The following SLC6A9 variants were observed in gnomAD, a reference collection of about 807,000 sequenced individuals.
SLC6A9 encodes solute carrier family 6 member 9.
SLC6A9 carries 31 observed loss-of-function variants against 70.9 expected under a neutral mutation model. That is an observed-to-expected ratio of 0.44 (90% confidence interval 0.33 to 0.59). SLC6A9 has a LOEUF of 0.59. SLC6A9 is among the 20% of genes least tolerant of loss of function. The pLI, the probability that SLC6A9 is intolerant of heterozygous loss-of-function variation, is 0.04. For synonymous variants in SLC6A9, 310 were observed against 341.3 expected (o/e 0.91, Z 1.01); for missense variants, 631 against 845.2 (o/e 0.75, Z 3.14).
chr1:44,007,505 G>A (rs2086360256), intron 5 of SLC6A9, among the ~76,000 whole-genome samples: 1 of 152,226 alleles, frequency 6.6e-6, no homozygotes, highest in Non-Finnish European at 1.5e-5. Flanking sequence ...GGTCTCTGTC[G>A]CCTCTGAACA....
rs199881623 is a variant in SLC6A9 at position 43,996,935 on chromosome 1, G to C, written c.*610C>G. On this transcript the variant is annotated 3_prime_UTR_variant, in exon 14 of 14. Coordinates refer to ENST00000372310, the MANE Select transcript of SLC6A9 (RefSeq NM_001024845.3). ...AGCCAGGCCTGGAATGAGGGGCAGA[G>C]ACCCCGGAGCAGCCCAGTGAGGTGC... The C allele has an allele frequency of 6.5e-6, 1 of 153,132 alleles. No individual in the cohort carries two copies. Among genetic ancestry groups the C allele is most frequent in the Non-Finnish European group, 1.5e-5 (1 of 68,434 alleles). The allele number at this position is 153,132 out of a possible 1,614,324, so 9.5% of individuals were successfully genotyped here.
At chr1:43,998,069 G>T in intron 12 of SLC6A9, 44 bp from the exon 13 acceptor site, 3 of 1,548,360 alleles carry the variant, frequency 1.9e-6, no homozygotes, top group Non-Finnish European at 2.6e-6. Flanking sequence ...CCGACCCAGA[G>T]CCCAGACCCC....
At chr1:44,030,650 C>T (rs1015287567) in intron 1 of SLC6A9, 1 of 152,346 alleles carries the variant, frequency 6.6e-6, no homozygotes, top group Middle Eastern at 3.2e-3. Flanking sequence ...TTCCCAAAGC[C>T]GCGGCCAGAG....
intron 2 of SLC6A9, chr1:44,017,080 A>G (rs2086772208): frequency 6.2e-7 from 1 of 1,603,432 alleles, no homozygotes; most frequent in South Asian, 1.1e-5. Context: ...CAGGTCCATG[A>G]GCCGCGGCCA....
chr1:44,001,634 G>C lies in SLC6A9; in HGVS notation c.963-7C>G. 1 of 1,603,498 alleles carries C rather than the reference G, an allele frequency of 6.2e-7. No individual in the cohort carries two copies. On this transcript the variant is annotated splice_region_variant and splice_polypyrimidine_tract_variant and intron_variant, in intron 8 of 13. Transcript: ENST00000372310. The stretch of plus-strand genomic sequence containing the variant: ...GCTGATGATGACACTGTCCCTGATG[G>C]GGAGGAAAACAGAGTTCAGCTTCCC...
chr1:44,023,568 G>A (rs930942190), intron 2 of SLC6A9, among the ~76,000 whole-genome samples: 15 of 152,200 alleles, frequency 9.9e-5, no homozygotes, highest in Middle Eastern at 3.4e-3. Flanking sequence ...CTTGAACCCG[G>A]CAGGGGCAGA....
chr1:44,004,606 A>G (rs1412072445), intron 5 of SLC6A9, among the ~76,000 whole-genome samples: 1 of 152,128 alleles, frequency 6.6e-6, no homozygotes, highest in Non-Finnish European at 1.5e-5. Context: ...TCAGCCTCCC[A>G]AAGTGCTGGG....
At chr1:44,030,222 G>C (rs1054117600) in intron 1 of SLC6A9, among the ~76,000 whole-genome samples, 2 of 152,176 alleles carry the variant, frequency 1.3e-5, no homozygotes, top group Non-Finnish European at 2.9e-5. Context: ...GGGCGCGTCC[G>C]CTTTAATCGG....
In SLC6A9 at chr1:44,010,073, T is replaced by G; in HGVS notation, c.211A>C (p.Ile71Leu). ...GGGATCCCGCAGAAGATGAGCATGA[T>G]GAAGTAGGGGAACATGAAGGCGCCT... ...GGGAFMFPYF[I>L]MLIFCGIPLF... The change falls in exon 4 of 14, where the codon ATC becomes CTC. Residue 71 changes from isoleucine (I) to leucine (L), a missense_variant. Ile to Leu is a conservative substitution (Grantham distance 5, BLOSUM62 2). Coordinates refer to ENST00000372310, the MANE Select transcript of SLC6A9 (RefSeq NM_001024845.3). 6.2e-7 allele frequency: 1 copy of G among 1,613,718 alleles called. No individual in the cohort carries two copies. The highest frequency in any genetic ancestry group is 8.5e-7 in the Non-Finnish European group (1 of 1,179,802).
chr1:43,997,517 G>T lies in SLC6A9; in HGVS notation c.*28C>A. 6.3e-7 allele frequency: 1 copy of T among 1,594,976 alleles called. No homozygotes were observed. Among genetic ancestry groups the T allele is most frequent in the Non-Finnish European group, 8.6e-7 (1 of 1,164,886 alleles). On this transcript the variant is annotated 3_prime_UTR_variant, in exon 14 of 14. Transcript: ENST00000372310. The surrounding 1 kb of genome is among the most constrained non-coding windows in gnomAD (Gnocchi z 4.4). ...CTCTGCGGTGGGAGCACGGGGTGGG[G>T]GTGGGGCCACTCCCCTGGCAGCTGT...
At chr1:44,023,390 C>T (rs189750082) in intron 2 of SLC6A9, among the ~76,000 whole-genome samples, 2 of 152,316 alleles carry the variant, frequency 1.3e-5, no homozygotes, top group East Asian at 3.9e-4. Flanking sequence ...CACCTGTAAT[C>T]TCAGCACTTT....
At chr1:44,000,699 G>T in intron 12 of SLC6A9, 68 bp downstream of exon 12, 1 of 1,044,122 alleles carries the variant, frequency 9.6e-7, no homozygotes, top group Non-Finnish European at 1.4e-6. Context: ...TCCCTCCGCT[G>T]GGTCCCAAGA....
rs201950352 is a variant in SLC6A9 at position 44,002,935 on chromosome 1, C to A, written c.641G>T (p.Arg214Leu). 1.7e-5 allele frequency: 27 copies of A among 1,613,416 alleles called. No homozygotes were observed. Among genetic ancestry groups the A allele is most frequent in the Non-Finnish European group, 2.1e-5 (25 of 1,179,470 alleles). The part of the protein sequence containing the change: ...SDDIGNFGEV[R>L]LPLLGCLGVS... ...ACCGAGGCAGCCAAGGAGGGGCAGC[C>A]GCACCTCCCCAAAGTTCCCAATGTC... Residue 214 changes from arginine to leucine, a missense_variant, in exon 6 of 14, where the codon CGG (arginine) becomes CTG (leucine). Transcript: ENST00000372310. The surrounding 1 kb of genome is among the most constrained non-coding windows in gnomAD (Gnocchi z 5.5).
intron 1 of SLC6A9, among the ~76,000 whole-genome samples, chr1:44,030,040 CT>C (rs2087066694): frequency 1.3e-5 from 2 of 152,306 alleles, no homozygotes; most frequent in South Asian, 4.1e-4. Context: ...GTCCCGTCTC[CT>C]TTAAGAGTGA....
At chr1:44,031,076 G>A (rs561489180) in intron 1 of SLC6A9, among the ~76,000 whole-genome samples, 2 of 145,302 alleles carry the variant, frequency 1.4e-5, no homozygotes, top group Admixed American at 7.0e-5. Context: ...ACACCCAGAC[G>A]CGCGCACCTA....
In SLC6A9 at chr1:44,002,613, C is replaced by T; in HGVS notation, c.757G>A (p.Val253Met). ...CCGCGGACAAACAGAATGGTCAGCACCACGTAGGGGAACGTGGCCGTGAAG... is the reference window on the plus strand; with the variant it reads ...CCGCGGACAAACAGAATGGTCAGCATCACGTAGGGGAACGTGGCCGTGAAG... ...VYFTATFPYVVLTILFVRGVT... is the reference protein window; with the variant it reads ...VYFTATFPYVMLTILFVRGVT... The change falls in exon 7 of 14, where the codon GTG (valine) becomes ATG (methionine). Residue 253 changes from valine to methionine, a missense_variant. Transcript: ENST00000372310. The surrounding 1 kb of genome is among the most constrained non-coding windows in gnomAD (Gnocchi z 5.5). 6.2e-7 allele frequency: 1 copy of T among 1,614,172 alleles called. No homozygotes were observed. Among genetic ancestry groups the T allele is most frequent in the Non-Finnish European group, 8.5e-7 (1 of 1,180,020 alleles).
chr1:44,029,413 GCCACGTGAGACTA>G (rs1360672446), intron 1 of SLC6A9, among the ~76,000 whole-genome samples: 2 of 152,192 alleles, frequency 1.3e-5, no homozygotes, highest in Admixed American at 1.3e-4. Context: ...GCCATCTGCC[GCCACGTGAGACTA>G]CCCAGCACTT....
chr1:44,013,111 G>A lies in SLC6A9; in HGVS notation c.31-2229C>T, dbSNP rs571656489. On this transcript the variant is annotated intron_variant, in intron 2 of 13. Transcript: ENST00000372310. The surrounding 1 kb of genome is among the most constrained non-coding windows in gnomAD (Gnocchi z 5.3). The stretch of plus-strand genomic sequence containing the variant: ...TGCCAGCAGCACAGTACACGGATGG[G>A]GTCACAGAGCAGCAGTTACAGCTGT... 6.6e-6 allele frequency among the ~76,000 whole-genome samples: 1 copy of A among 152,346 alleles called. No homozygotes were observed. Among genetic ancestry groups the A allele is most frequent in the African/African-American group, 2.4e-5 (1 of 41,576 alleles).
chr1:44,010,352 T>C, intron 3 of SLC6A9: 1 of 485,032 alleles, frequency 2.1e-6, no homozygotes, highest in Non-Finnish European at 3.7e-6. Context: ...TTTGATGGTT[T>C]AAACAAGCGA....
Sources: allele counts gnomAD v4.1 joint callset (sites outside exome capture counted in the v4.1 genomes callset), GRCh38; gene constraint gnomAD v4.1.1; non-coding constraint Gnocchi (gnomAD v3.1); transcripts MANE v1.5; gene names NCBI Gene and HGNC (gene_info 2026-07-23, HGNC 2026-07-21).